The following KIAA0319L variants were observed in gnomAD, a reference collection of about 807,000 sequenced individuals.
KIAA0319L encodes the protein KIAA0319 like.
In KIAA0319L, 55 loss-of-function variants were observed where a neutral mutation model predicts 120.1. The observed-to-expected ratio is 0.46, with a 90% confidence interval of 0.37 to 0.57. The LOEUF is 0.57. KIAA0319L is among the 20% of genes least tolerant of loss of function. The pLI is 0.00. For synonymous variants in KIAA0319L, 398 were observed against 471.9 expected, an observed-to-expected ratio of 0.84 and a Z score of 2.03; for missense variants, 1,049 against 1,255.3, an observed-to-expected ratio of 0.84 and a Z score of 2.48.
chr1:35,497,681 G>A (rs1644861526), intron 3 of KIAA0319L, among the ~76,000 whole-genome samples: 2 of 152,182 alleles, frequency 1.3e-5, no homozygotes, highest in African/African-American at 4.8e-5. Flanking sequence ...AGTATTCCAT[G>A]TGGGTGGAAT....
At chr1:35,436,215 C>T (rs1017092877) in intron 20 of KIAA0319L, among the ~76,000 whole-genome samples, 1 of 152,194 alleles carries the variant, frequency 6.6e-6, no homozygotes, top group African/African-American at 2.4e-5. Context: ...GGTGGCAGTG[C>T]CCCGAGCTCT....
intron 3 of KIAA0319L, among the ~76,000 whole-genome samples, chr1:35,479,665 G>A (rs898159156): frequency 6.6e-6 from 1 of 152,070 alleles, no homozygotes; most frequent in Non-Finnish European, 1.5e-5. Context: ...CAACACTTTG[G>A]GAGGCCAAGA....
At chr1:35,435,166 C>T in intron 20 of KIAA0319L, 85 bp from the exon 21 acceptor site, 1 of 1,257,144 alleles carries the variant, frequency 8.0e-7, no homozygotes. Context: ...CCTGAGGAGC[C>T]AAGGAACAGG....
chr1:35,477,502 C>A (rs1002310515), intron 4 of KIAA0319L, among the ~76,000 whole-genome samples: 70 of 152,104 alleles, frequency 4.6e-4, no homozygotes, highest in African/African-American at 1.6e-3. Context: ...CGCATCTCTA[C>A]TAAAAATACA....
intron 2 of KIAA0319L, among the ~76,000 whole-genome samples, chr1:35,535,693 T>C (rs1301247233): frequency 2.6e-5 from 4 of 152,192 alleles, no homozygotes; most frequent in South Asian, 2.1e-4. Context: ...GTTGTTGTTA[T>C]ACTTCATTTT....
chr1:35,490,697 T>C (rs1372297082), intron 3 of KIAA0319L, among the ~76,000 whole-genome samples: 1 of 152,208 alleles, frequency 6.6e-6, no homozygotes, highest in Non-Finnish European at 1.5e-5. Context: ...TATTACAATG[T>C]TTGATATTAA....
chr1:35,493,801 C>A (rs934971304), intron 3 of KIAA0319L, among the ~76,000 whole-genome samples: 1 of 151,928 alleles, frequency 6.6e-6, no homozygotes, highest in Non-Finnish European at 1.5e-5. Context: ...GCCGAGATCA[C>A]GCCACTGCAC....
chr1:35,548,615 T>C (rs2148510081), intron 2 of KIAA0319L, among the ~76,000 whole-genome samples: 1 of 152,284 alleles, frequency 6.6e-6, no homozygotes, highest in African/African-American at 2.4e-5. Context: ...TGTTATAATG[T>C]ATAAATTTAT....
At chr1:35,519,211 C>T (rs1450995070) in intron 2 of KIAA0319L, among the ~76,000 whole-genome samples, 4 of 151,844 alleles carry the variant, frequency 2.6e-5, no homozygotes, top group African/African-American at 4.8e-5. Flanking sequence ...GAAAATAAAT[C>T]GAAACAGGTA....
At chr1:35,478,068 A>G (rs1012314134) in intron 4 of KIAA0319L, among the ~76,000 whole-genome samples, 2 of 152,228 alleles carry the variant, frequency 1.3e-5, no homozygotes, top group Admixed American at 1.3e-4. Flanking sequence ...CTACTCAGCC[A>G]TAAAAAAGAA....
chr1:35,446,276 T>C (rs1228462219), intron 16 of KIAA0319L, among the ~76,000 whole-genome samples: 1 of 152,158 alleles, frequency 6.6e-6, no homozygotes, highest in African/African-American at 2.4e-5. Flanking sequence ...CCTCCATTTA[T>C]TACCCATCCC....
At chr1:35,473,132 G>A (rs1254808143) in intron 5 of KIAA0319L, among the ~76,000 whole-genome samples, 4 of 113,642 alleles carry the variant, frequency 3.5e-5, no homozygotes, top group Non-Finnish European at 6.6e-5. Flanking sequence ...GTCTTGCTCT[G>A]TCACCCAGGC....
chr1:35,463,752 G>A (rs1203556424), intron 7 of KIAA0319L, among the ~76,000 whole-genome samples: 1 of 152,214 alleles, frequency 6.6e-6, no homozygotes, highest in African/African-American at 2.4e-5. Flanking sequence ...TGGTCTGGCT[G>A]TGTCTCCACT....
At chr1:35,516,029 T>C (rs1345438003) in intron 2 of KIAA0319L, among the ~76,000 whole-genome samples, 1 of 151,988 alleles carries the variant, frequency 6.6e-6, no homozygotes. Flanking sequence ...AACAGACCAA[T>C]AATGAGCTCT....
chr1:35,534,175 G>A (rs1015402357), intron 2 of KIAA0319L, among the ~76,000 whole-genome samples: 13 of 152,204 alleles, frequency 8.5e-5, no homozygotes, highest in African/African-American at 3.1e-4. Flanking sequence ...TTTGCTATGT[G>A]CCTAGCTTTG....
At chr1:35,475,703 T>C (rs1643880231) in intron 4 of KIAA0319L, among the ~76,000 whole-genome samples, 1 of 152,172 alleles carries the variant, frequency 6.6e-6, no homozygotes, top group Non-Finnish European at 1.5e-5. Flanking sequence ...CAATCTATTC[T>C]GTCTTCCTAA....
rs1044435969 is a variant in KIAA0319L at position 35,434,727 on chromosome 1, G to A, written c.*167C>T. The A allele has an allele frequency of 1.7e-6, 1 of 587,726 alleles. No individual in the cohort carries two copies. Among genetic ancestry groups the A allele is most frequent in the Non-Finnish European group, 3.0e-6 (1 of 336,520 alleles). The allele number at this position is 587,726 out of a possible 1,614,324, so 36.4% of individuals were successfully genotyped here. A position where few individuals can be genotyped will look rare whatever the true frequency, so the allele number is the denominator to read the frequency against. On this transcript the variant is annotated 3_prime_UTR_variant, in exon 21 of 21. Coordinates refer to ENST00000325722, the MANE Select transcript of KIAA0319L (RefSeq NM_024874.5). Reference sequence around the variant, plus strand: ...CCTCTTCATTCACAGCTTCGTTGAGGGGTTCCTGGAGGACGTCTCTGGATT... The same window carrying A: ...CCTCTTCATTCACAGCTTCGTTGAGAGGTTCCTGGAGGACGTCTCTGGATT...
At chr1:35,444,372 TA>T in intron 16 of KIAA0319L, 69 bp from the exon 17 acceptor site, 1 of 1,423,114 alleles carries the variant, frequency 7.0e-7, no homozygotes, top group Non-Finnish European at 9.5e-7. Context: ...TAACATTTAC[TA>T]AGTACCTTCT....
At chr1:35,439,804 T>C (rs1208615287) in intron 20 of KIAA0319L, 2 of 152,060 alleles carry the variant, frequency 1.3e-5, no homozygotes, top group Non-Finnish European at 2.9e-5. Context: ...GCCACATTTT[T>C]AAAAAAGAAA....
Sources: gnomAD v4.1 joint callset for allele counts (sites outside exome capture counted in the v4.1 genomes callset) on GRCh38, gnomAD v4.1.1 for gene constraint, MANE v1.5 for transcripts, NCBI Gene and HGNC (gene_info 2026-07-23, HGNC 2026-07-21) for gene names.